Variants in KLC1 observed in about 807,000 individuals in gnomAD.
The protein encoded by KLC1 is kinesin light chain 1.
Under a neutral mutation model 84.2 loss-of-function variants are expected in KLC1, and 30 were observed. That is an observed-to-expected ratio of 0.36 (90% CI 0.27 to 0.48). KLC1 has a LOEUF of 0.48. KLC1 is among the 20% of genes least tolerant of loss of function. The probability of loss-of-function intolerance (pLI) is 0.99; values close to 1 mark genes in which losing one functional copy is unlikely to be tolerated. For synonymous variants in KLC1, 289 were observed against 293.3 expected, an observed-to-expected ratio of 0.99 and a Z score of 0.15; for missense variants, 499 against 805.4, an observed-to-expected ratio of 0.62 and a Z score of 4.60.
At chr14:103,669,647 A>G (rs201827268) in intron 6 of KLC1, 49 bp downstream of exon 6, 6 of 1,257,196 alleles carry the variant, frequency 4.8e-6, no homozygotes, top group African/African-American at 1.5e-5. Context: ...TTTTCCCCAT[A>G]TATTTCTTTT....
At chr14:103,686,054 G>A (rs889672512) in intron 13 of KLC1, 1 of 1,023,208 alleles carries the variant, frequency 9.8e-7, no homozygotes, top group Non-Finnish European at 1.2e-6. Context: ...GGTACTTAGA[G>A]CCCTGGGGGC....
Position 103,629,274 on chromosome 14 carries a change from G to A in KLC1, c.-222G>A, listed in dbSNP as rs1450081612. ...ACTGGCTGGGTCGGCTGGGCTGCTG[G>A]TGCGAGGAGCCGCGGGGCTGTGCTC... On this transcript the variant is annotated 5_prime_UTR_variant, in exon 1 of 17. The change creates a new upstream start codon in the 5' untranslated region. Transcript: ENST00000334553. 6.5e-6 allele frequency: 1 copy of A among 152,978 alleles called. No individual in the cohort carries two copies. The highest frequency in any genetic ancestry group is 1.5e-5 in the Non-Finnish European group (1 of 68,738). The allele number at this position is 152,978 out of a possible 1,614,324, so 9.5% of individuals were successfully genotyped here. A position where few individuals can be genotyped will look rare whatever the true frequency, so the allele number is the denominator to read the frequency against.
At chr14:103,661,833 C>T (rs1387636526) in intron 3 of KLC1, among the ~76,000 whole-genome samples, 2 of 152,104 alleles carry the variant, frequency 1.3e-5, no homozygotes, top group African/African-American at 4.8e-5. Flanking sequence ...CCTAGACCTC[C>T]CTCAAAGCGC....
chr14:103,663,677 C>G (rs1427004371), intron 5 of KLC1, among the ~76,000 whole-genome samples: 8 of 152,154 alleles, frequency 5.3e-5, no homozygotes, highest in African/African-American at 1.4e-4. Context: ...CCTTTCACCC[C>G]TGTTGAAGGA....
chr14:103,662,600 G>A (rs2079390059), intron 4 of KLC1, 102 bp from the exon 5 acceptor site: 1 of 907,532 alleles, frequency 1.1e-6, no homozygotes, highest in Admixed American at 2.5e-5. Context: ...TGGGGGCCAA[G>A]TACTAACTTG....
intron 14 of KLC1, chr14:103,687,937 CT>C (rs1409787953): frequency 6.6e-6 from 1 of 152,340 alleles, no homozygotes; most frequent in South Asian, 2.1e-4. Flanking sequence ...ATGAGGCAGA[CT>C]TTTGCCAGCC....
intron 15 of KLC1, chr14:103,700,355 C>T: frequency 5.6e-6 from 2 of 356,454 alleles, no homozygotes; most frequent in Non-Finnish European, 1.0e-5. Flanking sequence ...CCTCTGGGTG[C>T]TGCCGTGGCC....
Position 103,693,148 on chromosome 14 carries a change from C to T in KLC1, c.1848+723C>T, listed in dbSNP as rs2082217813. Among the ~76,000 whole-genome samples, 1 of 152,198 alleles carries T rather than the reference C, an allele frequency of 6.6e-6. No individual in the cohort carries two copies. Among genetic ancestry groups the T allele is most frequent in the Non-Finnish European group, 1.5e-5 (1 of 68,030 alleles). ...GGTGCTGAGAGTTCGCGACAGTGGC[C>T]AGGCACTGCCCTCCCAGTTGTCCAG... On this transcript the variant is annotated intron_variant, in intron 15 of 16. Transcript: ENST00000334553. This position sits in a 1 kb window ranked among gnomAD's most constrained non-coding sequence, Gnocchi z 5.1.
intron 15 of KLC1, chr14:103,697,036 A>G (rs2082587856): frequency 1.0e-6 from 1 of 985,356 alleles, no homozygotes; most frequent in Admixed American, 6.1e-5. Flanking sequence ...TCTCTGTTAA[A>G]TGTACCTCTG....
Position 103,694,077 on chromosome 14 carries a change from T to C in KLC1, c.1848+1652T>C. The C allele has an allele frequency of 1.0e-6, 1 of 987,096 alleles. No homozygotes were observed. The highest frequency in any genetic ancestry group is 1.2e-6 in the Non-Finnish European group (1 of 830,118). The allele number at this position is 987,096 out of a possible 1,614,324, so 61.1% of individuals were successfully genotyped here. A position where few individuals can be genotyped will look rare whatever the true frequency, so the allele number is the denominator to read the frequency against. ...TTTAGTGATCTATGGCAGTAAAGCC[T>C]GAAGCTTAGCGGACACTGGTCAGTG... On this transcript the variant is annotated intron_variant, in intron 15 of 16. Transcript: ENST00000334553. This position sits in a 1 kb window ranked among gnomAD's most constrained non-coding sequence, Gnocchi z 4.5.
chr14:103,641,727 C>T lies in KLC1; in HGVS notation c.-2+12233C>T, dbSNP rs2077507453. On this transcript the variant is annotated intron_variant, in intron 1 of 16. Coordinates refer to ENST00000334553, the MANE Select transcript of KLC1 (RefSeq NM_001394837.1). The stretch of plus-strand genomic sequence containing the variant: ...TCCTCCCACCTCCACCTCAGCCTCC[C>T]AGGCTCAATTCATCCTCCCAAGTAG... Among the ~76,000 whole-genome samples the T allele has an allele frequency of 4.6e-5, 7 of 151,996 alleles. No homozygotes were observed. In the South Asian group the frequency reaches 1.5e-3, roughly 32 times the overall value.
intron 1 of KLC1, among the ~76,000 whole-genome samples, chr14:103,644,448 A>G (rs1401500801): frequency 4.0e-5 from 6 of 151,772 alleles, no homozygotes. Flanking sequence ...TTTAGTAGAG[A>G]TGGGCTTTCA....
intron 15 of KLC1, chr14:103,699,904 C>T (rs912746475): frequency 2.8e-5 from 11 of 394,206 alleles, no homozygotes; most frequent in Non-Finnish European, 4.8e-5. Context: ...TTGCGGGGGT[C>T]TGCTCTCCTT....
chr14:103,685,702 TTC>T, intron 13 of KLC1: 1 of 1,289,560 alleles, frequency 7.8e-7, no homozygotes, highest in Non-Finnish European at 1.0e-6. Context: ...GCAGCTTCCC[TTC>T]TCTCTCCAGT....
At chr14:103,678,387 CAAG>C in intron 12 of KLC1, among the ~76,000 whole-genome samples, 1 of 152,318 alleles carries the variant, frequency 6.6e-6, no homozygotes, top group Non-Finnish European at 1.5e-5. Context: ...AGGACATCAT[CAAG>C]AAAGTGAAAG....
intron 15 of KLC1, chr14:103,696,998 G>A (rs1263146109): frequency 5.1e-6 from 5 of 985,346 alleles, no homozygotes; most frequent in South Asian, 4.7e-5. Context: ...CAGCATGGGC[G>A]GGGCCGGCCG....
chr14:103,699,132 C>G, intron 15 of KLC1: 1 of 1,572,214 alleles, frequency 6.4e-7, no homozygotes, highest in Non-Finnish European at 8.6e-7. Context: ...GCTGCACTCA[C>G]CCCAGCGGCC....
At chr14:103,647,974 C>T (rs1275671164) in intron 1 of KLC1, among the ~76,000 whole-genome samples, 3 of 150,100 alleles carry the variant, frequency 2.0e-5, no homozygotes, top group Middle Eastern at 3.2e-3. Context: ...TCTTTTGAGA[C>T]GGAGTCTCGC....
At chr14:103,699,126 C>T (rs768365128) in intron 15 of KLC1, 3 of 1,573,084 alleles carry the variant, frequency 1.9e-6, no homozygotes, top group South Asian at 2.3e-5. Context: ...CACATGGCTG[C>T]ACTCACCCCA....
Sources: allele counts gnomAD v4.1 joint callset (sites outside exome capture counted in the v4.1 genomes callset), GRCh38; gene constraint gnomAD v4.1.1; non-coding constraint Gnocchi (gnomAD v3.1); transcripts MANE v1.5; gene names NCBI Gene and HGNC (gene_info 2026-07-23, HGNC 2026-07-21).